CHL1: variants seen among roughly 807,000 people sequenced by gnomAD.
CHL1 encodes the protein cell adhesion molecule L1 like.
A neutral mutation model predicts 141.9 loss-of-function variants in CHL1; 96 were observed. The observed-to-expected ratio is 0.68, with a 90% CI of 0.57 to 0.80. CHL1 has a LOEUF of 0.80. CHL1 is among the 30% of genes least tolerant of loss of function. CHL1 has a pLI of 0.00. For synonymous variants in CHL1, 613 were observed against 502.2 expected (o/e 1.22, Z -2.95); for missense variants, 1,820 against 1,457.2 (o/e 1.25, Z -4.05).
intron 2 of CHL1, among the ~76,000 whole-genome samples, chr3:317,639 T>C (rs1700241842): frequency 6.8e-6 from 1 of 147,416 alleles, no homozygotes; most frequent in South Asian, 2.1e-4. Context: ...AGATGACTAT[T>C]ACCAAACTGT....
intron 2 of CHL1, among the ~76,000 whole-genome samples, chr3:251,215 T>C (rs1033959782): frequency 1.3e-5 from 2 of 152,086 alleles, no homozygotes; most frequent in African/African-American, 4.8e-5. Context: ...AATGCTTTCA[T>C]TTTTCTTGAG....
chr3:198,113 C>T (rs886083613), intron 1 of CHL1: 76 of 280,702 alleles, frequency 2.7e-4, no homozygotes, highest in African/African-American at 1.7e-3. Flanking sequence ...CCCAGACGGC[C>T]AGCAGGGTGG....
intron 2 of CHL1, among the ~76,000 whole-genome samples, chr3:257,144 A>C (rs751772377): frequency 1.3e-5 from 2 of 152,162 alleles, no homozygotes; most frequent in Non-Finnish European, 2.9e-5. Flanking sequence ...ATACCAGATT[A>C]TGGGATGGAA....
intron 10 of CHL1, 25 bp downstream of exon 10, chr3:349,568 T>G (rs1254197513): frequency 1.9e-6 from 3 of 1,588,438 alleles, no homozygotes; most frequent in Non-Finnish European, 2.6e-6. Flanking sequence ...TTGGTCTATT[T>G]CTCTGCTTTT....
At chr3:213,715 T>G (rs1207417271) in intron 1 of CHL1, 1 of 152,162 alleles carries the variant, frequency 6.6e-6, no homozygotes, top group Non-Finnish European at 1.5e-5. Context: ...TAAAAGTCAT[T>G]AGGAAAGAGG....
rs1701903402 is a variant in CHL1, at chr3:336,826, G to A, written c.386-3968G>A. 5.3e-5 allele frequency among the ~76,000 whole-genome samples: 8 copies of A among 152,298 alleles called. No homozygotes were observed. The South Asian group carries it at 1.7e-3, about 32-fold the overall frequency. ...CATTGACAGCATCTGAAGTCATAGA[G>A]CTCCTGCAAATTTTGTATCTGCAGG... On this transcript the variant is annotated intron_variant, in intron 5 of 27. Coordinates refer to ENST00000256509, the MANE Select transcript of CHL1 (RefSeq NM_006614.4).
chr3:329,577 A>T (rs1042336257), intron 5 of CHL1, among the ~76,000 whole-genome samples: 1 of 151,994 alleles, frequency 6.6e-6, no homozygotes, highest in Non-Finnish European at 1.5e-5. Context: ...AGAAAAAATA[A>T]AGGAGAGAAA....
chr3:249,245 G>C (rs570778591), intron 2 of CHL1, among the ~76,000 whole-genome samples: 1 of 152,238 alleles, frequency 6.6e-6, no homozygotes, highest in African/African-American at 2.4e-5. Flanking sequence ...GATGAAGCAG[G>C]GCATTAAAAA....
intron 12 of CHL1, among the ~76,000 whole-genome samples, chr3:360,720 C>T (rs1704155339): frequency 6.9e-6 from 1 of 144,954 alleles, no homozygotes; most frequent in Admixed American, 6.7e-5. Flanking sequence ...AGGTATATCT[C>T]CCGATGCTAT....
chr3:349,977 T>A (rs868147224), intron 10 of CHL1, among the ~76,000 whole-genome samples: 4 of 138,922 alleles, frequency 2.9e-5, no homozygotes, highest in Non-Finnish European at 4.9e-5. Flanking sequence ...TCACTCTCCG[T>A]ACCTCAGGCT....
intron 9 of CHL1, among the ~76,000 whole-genome samples, chr3:345,402 C>A (rs1315711031): frequency 1.3e-5 from 2 of 152,078 alleles, no homozygotes; most frequent in Non-Finnish European, 2.9e-5. Flanking sequence ...ACATCAAAAT[C>A]TAATTAAGTG....
chr3:203,007 T>A lies in CHL1; in HGVS notation c.-175+5944T>A, dbSNP rs139408904. 2.0e-5 allele frequency among the ~76,000 whole-genome samples: 3 copies of A among 152,342 alleles called. No individual in the cohort carries two copies. In the East Asian group the frequency reaches 5.8e-4, roughly 29 times the overall value. On this transcript the variant is annotated intron_variant, in intron 1 of 27. Coordinates refer to ENST00000256509, the MANE Select transcript of CHL1 (RefSeq NM_006614.4). ...CCTGTGACTTTGGGGTTTTGAATATTTCTCTGTTTTGCCTGCAGACTTCCA... is the reference window on the plus strand; with the variant it reads ...CCTGTGACTTTGGGGTTTTGAATATATCTCTGTTTTGCCTGCAGACTTCCA...
intron 2 of CHL1, among the ~76,000 whole-genome samples, chr3:286,414 C>A (rs1291239234): frequency 6.6e-6 from 1 of 151,976 alleles, no homozygotes; most frequent in Non-Finnish European, 1.5e-5. Context: ...AGATCAAGAC[C>A]AGCCTGGCCA....
At chr3:347,463 G>A (rs111466352) in intron 9 of CHL1, among the ~76,000 whole-genome samples, 81 of 152,258 alleles carry the variant, frequency 5.3e-4, no homozygotes, top group African/African-American at 1.9e-3. Context: ...GACCTATCCT[G>A]AGATTAAATT....
rs183223903 is a variant in CHL1 at position 408,152 on chromosome 3, G to T, written c.*2441G>T. ...TTTCCCTCAGAAAATGAGTAACAGA[G>T]TCCACGGCGTGCAATGGTAATTATA... On this transcript the variant is annotated 3_prime_UTR_variant, in exon 28 of 28. Transcript: ENST00000256509. The T allele has an allele frequency of 6.6e-6, 1 of 152,210 alleles. No homozygotes were observed. Among genetic ancestry groups the T allele is most frequent in the Admixed American group, 6.6e-5 (1 of 15,264 alleles). 9.4% of individuals were successfully genotyped at this position (152,210 alleles called of 1,614,324 possible).
chr3:363,458 A>T, intron 14 of CHL1, 75 bp downstream of exon 14: 10 of 1,296,834 alleles, frequency 7.7e-6, no homozygotes, highest in Non-Finnish European at 1.1e-5. Context: ...CAAATGGAAT[A>T]ATACCATTTA....
intron 2 of CHL1, among the ~76,000 whole-genome samples, chr3:283,634 A>ACTC: frequency 6.6e-6 from 1 of 152,216 alleles, no homozygotes; most frequent in South Asian, 2.1e-4. Flanking sequence ...AGGAATACAG[A>ACTC]CTCTAGTGTA....
chr3:332,763 C>A (rs1297302092), intron 5 of CHL1, among the ~76,000 whole-genome samples: 2 of 152,090 alleles, frequency 1.3e-5, no homozygotes, highest in South Asian at 2.1e-4. Flanking sequence ...GGTTGATCAT[C>A]GTTAAACTGT....
At chr3:320,744 A>G (rs1019664893) in intron 3 of CHL1, among the ~76,000 whole-genome samples, 13 of 152,212 alleles carry the variant, frequency 8.5e-5, no homozygotes, top group African/African-American at 3.1e-4. Context: ...AACATATGTA[A>G]TAGTATATCA....
Sources: allele counts gnomAD v4.1 joint callset (sites outside exome capture counted in the v4.1 genomes callset), GRCh38; gene constraint gnomAD v4.1.1; transcripts MANE v1.5; gene names NCBI Gene and HGNC (gene_info 2026-07-23, HGNC 2026-07-21).